Variants in NT5M observed in about 807,000 individuals in gnomAD.
NT5M encodes 5'(3')-deoxyribonucleotidase, mitochondrial.
A neutral mutation model predicts 22.2 loss-of-function variants in NT5M; 22 were observed. The observed-to-expected ratio is 0.99, with a 90% CI of 0.71 to 1.41. The LOEUF (loss-of-function observed/expected upper bound fraction) is 1.41. Among genes scored for constraint, NT5M ranks in the 40% most tolerant of loss-of-function variants. The pLI is 0.00. For missense variants in NT5M, 322 were observed against 314.8 expected, an observed-to-expected ratio of 1.02 and a Z score of -0.17; for synonymous variants, 167 against 133.0, an observed-to-expected ratio of 1.26 and a Z score of -1.76.
At chr17:17,318,366 G>A (rs2049076735) in intron 2 of NT5M, among the ~76,000 whole-genome samples, 1 of 151,482 alleles carries the variant, frequency 6.6e-6, no homozygotes, top group African/African-American at 2.4e-5. Context: ...TGTAATCCCA[G>A]CTACTTGGGA....
At chr17:17,340,770 C>T (rs1031770677) in intron 3 of NT5M, among the ~76,000 whole-genome samples, 5 of 152,080 alleles carry the variant, frequency 3.3e-5, no homozygotes, top group African/African-American at 9.7e-5. Context: ...TGTGATCTGC[C>T]CGCCTTGGCC....
At chr17:17,319,028 T>C (rs2049095747) in intron 2 of NT5M, among the ~76,000 whole-genome samples, 1 of 151,548 alleles carries the variant, frequency 6.6e-6, no homozygotes, top group South Asian at 2.1e-4. Context: ...CTGGGCAACA[T>C]GGTGAAACCC....
chr17:17,306,776 C>T (rs780730506), intron 2 of NT5M, 133 bp downstream of exon 2: 18 of 663,932 alleles, frequency 2.7e-5, no homozygotes, highest in Non-Finnish European at 3.5e-5. Flanking sequence ...GCACTTGCCT[C>T]GTCATTGCTG....
intron 3 of NT5M, among the ~76,000 whole-genome samples, chr17:17,330,274 T>C (rs1597785610): frequency 7.0e-6 from 1 of 142,550 alleles, no homozygotes; most frequent in Non-Finnish European, 1.5e-5. Context: ...CACTCCAGCC[T>C]GAGTGACAGT....
At chr17:17,343,467 A>G (rs964364344) in intron 3 of NT5M, among the ~76,000 whole-genome samples, 43 of 152,336 alleles carry the variant, frequency 2.8e-4, no homozygotes, top group African/African-American at 1.0e-3. Flanking sequence ...CCCTTTTCCC[A>G]CGTCCCGTGT....
chr17:17,344,215 C>G (rs1458557586), intron 3 of NT5M, among the ~76,000 whole-genome samples: 1 of 152,182 alleles, frequency 6.6e-6, no homozygotes, highest in African/African-American at 2.4e-5. Flanking sequence ...TAGGGGTGCC[C>G]CTGTGGTCAG....
intron 3 of NT5M, among the ~76,000 whole-genome samples, chr17:17,335,120 A>G (rs2049478952): frequency 6.6e-6 from 1 of 151,428 alleles, no homozygotes; most frequent in South Asian, 2.1e-4. Flanking sequence ...CATAGAGACT[A>G]TCTTTATAAA....
chr17:17,313,138 C>T (rs909094194), intron 2 of NT5M, among the ~76,000 whole-genome samples: 2 of 151,262 alleles, frequency 1.3e-5, no homozygotes, highest in South Asian at 2.1e-4. Flanking sequence ...GTGTGGTGGG[C>T]GTGGTGGGGC....
At chr17:17,330,152 T>C (rs1171965579) in intron 3 of NT5M, among the ~76,000 whole-genome samples, 2 of 151,314 alleles carry the variant, frequency 1.3e-5, no homozygotes, top group East Asian at 4.0e-4. Context: ...TACAAAAAAT[T>C]AGCCGAGCGT....
chr17:17,338,750 GGA>G (rs2049577147), intron 3 of NT5M, among the ~76,000 whole-genome samples: 1 of 96,150 alleles, frequency 1.0e-5, no homozygotes, highest in Non-Finnish European at 1.9e-5. Context: ...TTTTTGAGAT[GGA>G]GTCTTACTCT....
At chr17:17,329,047 G>A (rs143662479) in intron 3 of NT5M, among the ~76,000 whole-genome samples, 1,703 of 152,206 alleles carry the variant, frequency 0.011, 38 homozygotes, top group African/African-American at 0.039. Flanking sequence ...GCGTGATCTT[G>A]GCTCACTGCA....
At chr17:17,313,878 A>T (rs1274489347) in intron 2 of NT5M, among the ~76,000 whole-genome samples, 6 of 151,598 alleles carry the variant, frequency 4.0e-5, no homozygotes, top group Non-Finnish European at 4.4e-5. Context: ...CGCCCAGGGG[A>T]CTCTCCTGAG....
In NT5M at chr17:17,329,054, T is replaced by C. The variant is rs148101623; in HGVS notation, c.429+5809T>C. The stretch of plus-strand genomic sequence containing the variant: ...GTGCAGTGGCGTGATCTTGGCTCAC[T>C]GCAAGCTCCCCATCCCGGGTTCATG... On this transcript the variant is annotated intron_variant, in intron 3 of 4. Transcript: ENST00000389022. Among the ~76,000 whole-genome samples, 691 of 152,342 alleles carry C rather than the reference T, an allele frequency of 4.5e-3. 5 individuals are homozygous for C. Among genetic ancestry groups the C allele is most frequent in the Non-Finnish European group, 6.1e-3 (414 of 68,020 alleles).
intron 2 of NT5M, among the ~76,000 whole-genome samples, chr17:17,308,455 G>T (rs958017174): frequency 3.9e-5 from 6 of 152,018 alleles, no homozygotes; most frequent in Admixed American, 2.0e-4. Context: ...AGCTGGGCGT[G>T]GGGGCGGGTG....
intron 2 of NT5M, among the ~76,000 whole-genome samples, chr17:17,307,911 G>A (rs1190056224): frequency 1.3e-5 from 2 of 151,962 alleles, no homozygotes; most frequent in African/African-American, 2.4e-5. Flanking sequence ...TTAGCTGGGC[G>A]TGGTGGTGGG....
At chr17:17,321,151 C>G (rs1010704155) in intron 2 of NT5M, among the ~76,000 whole-genome samples, 8 of 151,240 alleles carry the variant, frequency 5.3e-5, no homozygotes, top group African/African-American at 1.9e-4. Context: ...AGGAGGATAG[C>G]AAGCGGGCAT....
chr17:17,314,395 C>G (rs866033024), intron 2 of NT5M, among the ~76,000 whole-genome samples: 1 of 152,064 alleles, frequency 6.6e-6, no homozygotes, highest in Non-Finnish European at 1.5e-5. Flanking sequence ...GTCAGTTGAC[C>G]TCTCTCCCTG....
chr17:17,332,310 G>A (rs75640687), intron 3 of NT5M, among the ~76,000 whole-genome samples: 8,834 of 152,216 alleles, frequency 0.058, 314 homozygotes, highest in South Asian at 0.1. Context: ...GCAGGGAGGT[G>A]GGGTCGAGAG....
intron 3 of NT5M, among the ~76,000 whole-genome samples, chr17:17,329,236 C>G (rs1438580005): frequency 2.6e-5 from 4 of 152,168 alleles, no homozygotes; most frequent in Non-Finnish European, 5.9e-5. Flanking sequence ...CCTCGGCCTC[C>G]CAAGGTGCTG....
Sources: allele counts gnomAD v4.1 joint callset (sites outside exome capture counted in the v4.1 genomes callset), GRCh38; gene constraint gnomAD v4.1.1; transcripts MANE v1.5; gene names NCBI Gene and HGNC (gene_info 2026-07-23, HGNC 2026-07-21).